Variants in GNA14 observed in about 807,000 individuals in gnomAD.
GNA14 encodes the protein G protein subunit alpha 14, also known as guanine nucleotide-binding protein subunit alpha-14.
GNA14 carries 50 observed loss-of-function variants against 42.0 expected under a neutral mutation model. The observed-to-expected ratio is 1.19, with a 90% confidence interval of 0.95 to 1.51. The LOEUF is 1.51. Ranked by LOEUF, GNA14 falls within the 40% of genes most tolerant of loss-of-function variation. The pLI is 0.00. For synonymous variants in GNA14, 173 were observed against 163.1 expected, an observed-to-expected ratio of 1.06 and a Z score of -0.46; for missense variants, 473 against 446.2, an observed-to-expected ratio of 1.06 and a Z score of -0.54.
intron 2 of GNA14, among the ~76,000 whole-genome samples, chr9:77,444,208 C>A (rs921117042): frequency 6.6e-6 from 1 of 152,202 alleles, no homozygotes; most frequent in Admixed American, 6.5e-5. Context: ...TGGAAAGAGA[C>A]TTGCAAGGCA....
intron 2 of GNA14, among the ~76,000 whole-genome samples, chr9:77,524,238 GA>G: frequency 6.6e-6 from 1 of 152,158 alleles, no homozygotes; most frequent in East Asian, 1.9e-4. Flanking sequence ...TATCTTAATT[GA>G]AAAAACATGT....
intron 2 of GNA14, among the ~76,000 whole-genome samples, chr9:77,509,864 G>A (rs6560604): frequency 0.61 from 93,048 of 152,102 alleles, 29,032 homozygotes; most frequent in East Asian, 0.97. Context: ...AAAACTTAGC[G>A]TCAACAACAG....
chr9:77,543,335 G>A (rs182192257), intron 1 of GNA14, among the ~76,000 whole-genome samples: 311 of 152,292 alleles, frequency 2.0e-3, no homozygotes, highest in Non-Finnish European at 3.2e-3. Context: ...CACAACAGCT[G>A]CAGCTGCAGT....
intron 1 of GNA14, among the ~76,000 whole-genome samples, chr9:77,632,504 G>A (rs573929938): frequency 1.3e-5 from 2 of 152,304 alleles, no homozygotes; most frequent in Admixed American, 6.5e-5. Flanking sequence ...CACAAACAGG[G>A]CTGAAATATG....
intron 1 of GNA14, among the ~76,000 whole-genome samples, chr9:77,543,677 T>G (rs1587824545): frequency 6.6e-6 from 1 of 152,220 alleles, no homozygotes; most frequent in South Asian, 2.1e-4. Flanking sequence ...GTTTGGGAGC[T>G]TCTTCCAGCT....
intron 1 of GNA14, among the ~76,000 whole-genome samples, chr9:77,616,290 T>A (rs1017025494): frequency 6.6e-6 from 1 of 152,230 alleles, no homozygotes; most frequent in African/African-American, 2.4e-5. Context: ...GGCGTGACCC[T>A]ACCCATGGGT....
At chr9:77,474,646 C>T (rs1427674818) in intron 2 of GNA14, among the ~76,000 whole-genome samples, 1 of 152,154 alleles carries the variant, frequency 6.6e-6, no homozygotes, top group African/African-American at 2.4e-5. Context: ...CACTCCTAGG[C>T]ATATACCCAA....
intron 5 of GNA14, among the ~76,000 whole-genome samples, chr9:77,426,798 C>T (rs116757860): frequency 1.3e-5 from 2 of 152,194 alleles, no homozygotes; most frequent in East Asian, 3.8e-4. Context: ...TAGCATTCTG[C>T]TCTTTCTCAA....
intron 1 of GNA14, among the ~76,000 whole-genome samples, chr9:77,635,659 G>A (rs561125446): frequency 4.4e-4 from 67 of 152,172 alleles, no homozygotes; most frequent in Non-Finnish European, 9.0e-4. Context: ...CCTTTGCATT[G>A]ATGTGTATAT....
chr9:77,434,848 C>T (rs1050158517), intron 2 of GNA14, among the ~76,000 whole-genome samples: 4 of 152,160 alleles, frequency 2.6e-5, no homozygotes, highest in African/African-American at 7.2e-5. Context: ...AGCTTTCATC[C>T]TACCAGCAAA....
intron 2 of GNA14, among the ~76,000 whole-genome samples, chr9:77,453,066 A>G (rs964069218): frequency 6.6e-6 from 1 of 152,200 alleles, no homozygotes; most frequent in Non-Finnish European, 1.5e-5. Flanking sequence ...CGTCAGCCCA[A>G]GAGTTCGAGG....
chr9:77,469,696 C>T (rs1476370733), intron 2 of GNA14, among the ~76,000 whole-genome samples: 1 of 152,188 alleles, frequency 6.6e-6, no homozygotes, highest in Non-Finnish European at 1.5e-5. Flanking sequence ...TGCATTACAT[C>T]ATACAGAAAG....
At chr9:77,566,735 A>C (rs951333710) in intron 1 of GNA14, among the ~76,000 whole-genome samples, 2 of 152,176 alleles carry the variant, frequency 1.3e-5, no homozygotes, top group Non-Finnish European at 2.9e-5. Flanking sequence ...TAATATTTGG[A>C]AGTTTTAATC....
At chr9:77,464,351 A>ATATGTG (rs1836177937) in intron 2 of GNA14, among the ~76,000 whole-genome samples, 3 of 144,706 alleles carry the variant, frequency 2.1e-5, no homozygotes, top group Non-Finnish European at 4.6e-5. Flanking sequence ...GTGTGTGTAT[A>ATATGTG]TGTGTGTGTG....
chr9:77,498,588 G>A (rs570296117), intron 2 of GNA14, among the ~76,000 whole-genome samples: 1 of 152,250 alleles, frequency 6.6e-6, no homozygotes, highest in South Asian at 2.1e-4. Flanking sequence ...GCATTCTAGT[G>A]CTCAACATGA....
At chr9:77,443,023 GTAGCTAT>G (rs1201263459) in intron 2 of GNA14, among the ~76,000 whole-genome samples, 2 of 152,198 alleles carry the variant, frequency 1.3e-5, no homozygotes, top group Non-Finnish European at 2.9e-5. Flanking sequence ...AAAGTTTTAT[GTAGCTAT>G]TAACATAGGA....
chr9:77,566,435 G>A (rs1038915523), intron 1 of GNA14, among the ~76,000 whole-genome samples: 17 of 152,074 alleles, frequency 1.1e-4, no homozygotes, highest in Admixed American at 7.2e-4. Flanking sequence ...GATTATAGGC[G>A]TGAGCCACTG....
intron 2 of GNA14, among the ~76,000 whole-genome samples, chr9:77,477,527 T>C (rs949156717): frequency 6.6e-6 from 1 of 152,160 alleles, no homozygotes; most frequent in African/African-American, 2.4e-5. Context: ...TTACAGGCAT[T>C]TGAAGTCTCA....
intron 1 of GNA14, among the ~76,000 whole-genome samples, chr9:77,565,903 A>G (rs956541840): frequency 2.0e-5 from 3 of 152,222 alleles, no homozygotes; most frequent in African/African-American, 7.2e-5. Flanking sequence ...AAAGTGCCAC[A>G]GTGGACACTA....
Sources: allele counts gnomAD v4.1 joint callset (sites outside exome capture counted in the v4.1 genomes callset), GRCh38; gene constraint gnomAD v4.1.1; transcripts MANE v1.5; gene names NCBI Gene and HGNC (gene_info 2026-07-23, HGNC 2026-07-21).